The following FRMD1 variants were observed in gnomAD, a reference collection of about 807,000 sequenced individuals.
FRMD1 encodes the protein FERM domain containing 1.
A neutral mutation model predicts 54.9 loss-of-function variants in FRMD1; 51 were observed. The ratio of observed to expected loss-of-function variants is 0.93; its 90% CI spans 0.74 to 1.17. The LOEUF is 1.17. FRMD1 is among the 50% of genes most tolerant of loss of function. FRMD1 has a pLI of 0.00. For missense variants in FRMD1, 729 were observed against 743.0 expected, an observed-to-expected ratio of 0.98 and a Z score of 0.22; for synonymous variants, 324 against 306.4, an observed-to-expected ratio of 1.06 and a Z score of -0.60.
upstream of FRMD1, among the ~76,000 whole-genome samples, chr6:168,080,797 G>A (rs1330088107): frequency 3.9e-5 from 6 of 152,124 alleles, no homozygotes; most frequent in East Asian, 7.7e-4. Flanking sequence ...TTCCCCACGT[G>A]TGTGCAGGTG....
At chr6:168,061,363 A>T (rs1160378722) in intron 8 of FRMD1, among the ~76,000 whole-genome samples, 2 of 151,632 alleles carry the variant, frequency 1.3e-5, no homozygotes, top group Non-Finnish European at 2.9e-5. Flanking sequence ...TCTTGTGCTC[A>T]GGTGAGGATG....
In FRMD1 at chr6:168,057,102, C is replaced by T. The variant is rs1189120659; in HGVS notation, c.1645G>A (p.Val549Met). The T allele has an allele frequency of 2.0e-6, 3 of 1,478,790 alleles. No individual in the cohort carries two copies. Among genetic ancestry groups the T allele is most frequent in the South Asian group, 2.8e-5 (2 of 71,046 alleles). 91.6% of individuals were successfully genotyped at this position (1,478,790 alleles called of 1,614,324 possible). A position where few individuals can be genotyped will look rare whatever the true frequency, so the allele number is the denominator to read the frequency against. ...FGEAPPQEFV[V>M] ...TACTGCTGGGTGGGTGGTGCCTACA[C>T]CACAAACTCCTGTGGTGGAGCCTCT... The change falls in exon 11 of 11, where the codon GTG (valine) becomes ATG (methionine). Residue 549 changes from valine (V) to methionine (M), a missense_variant. Transcript: ENST00000283309.
At chr6:168,091,113 T>C (rs1713241082) in intron 1 of FRMD1, among the ~76,000 whole-genome samples, 1 of 152,190 alleles carries the variant, frequency 6.6e-6, no homozygotes, top group African/African-American at 2.4e-5. Context: ...TGCAAACTTT[T>C]CAGAGCTTAG....
Position 168,079,118 on chromosome 6 carries a change from C to A in FRMD1, c.-24G>T, listed in dbSNP as rs375053832. The A allele has an allele frequency of 1.3e-6, 2 of 1,568,884 alleles. No homozygotes were observed. The highest frequency in any genetic ancestry group is 1.7e-6 in the Non-Finnish European group (2 of 1,161,398). On this transcript the variant is annotated 5_prime_UTR_variant, in exon 1 of 11. Transcript: ENST00000283309. ...ATGCTGTCGTTACTCGGCCCTCCCC[C>A]GCCATGGGTCGCAGGTGGGTGCTCA...
rs573896544 is a variant in FRMD1 at position 168,075,106 on chromosome 6, G to T, written c.304+139C>A. ...TGAGTGGTGTGTAACTGTGCATTGT[G>T]CATGGTGTGTGCATGTGTACATATG... On this transcript the variant is annotated intron_variant, in intron 2 of 10. Coordinates refer to ENST00000283309, the MANE Select transcript of FRMD1 (RefSeq NM_024919.6). The T allele has an allele frequency of 9.8e-6, 7 of 710,892 alleles. No homozygotes were observed. The South Asian group carries it at 1.1e-4, about 11-fold the overall frequency. 44.0% of individuals were successfully genotyped at this position (710,892 alleles called of 1,614,324 possible). A position where few individuals can be genotyped will look rare whatever the true frequency, so the allele number is the denominator to read the frequency against.
At chr6:168,073,934 G>A (rs900648369) in intron 2 of FRMD1, among the ~76,000 whole-genome samples, 6 of 152,026 alleles carry the variant, frequency 3.9e-5, no homozygotes, top group Non-Finnish European at 7.4e-5. Context: ...CAGCAAGACA[G>A]GGGGATATTC....
At chr6:168,068,228 A>G (rs892853121) in intron 2 of FRMD1, among the ~76,000 whole-genome samples, 2 of 152,246 alleles carry the variant, frequency 1.3e-5, no homozygotes, top group African/African-American at 2.4e-5. Flanking sequence ...CCTGGAAACT[A>G]TAAGAGACGC....
intron 8 of FRMD1, among the ~76,000 whole-genome samples, 169 bp from the exon 9 acceptor site, chr6:168,061,226 C>T (rs1037073043): frequency 6.6e-6 from 1 of 151,736 alleles, no homozygotes; most frequent in Non-Finnish European, 1.5e-5. Context: ...GCCTTGTGCT[C>T]AGGTGAGGAC....
At chr6:168,081,996 AC>A (rs1266832182), upstream of FRMD1, 1 of 154,354 alleles carries the variant, frequency 6.5e-6, no homozygotes, top group African/African-American at 2.4e-5. Flanking sequence ...CAGGAAGTGC[AC>A]CTGTGCGCCA....
At position 168,062,973 on chromosome 6, in the gene FRMD1, G is replaced by T; in HGVS notation, c.805-14C>A. ...TTCCTTCTTATCCTAGAGGACACAG[G>T]TCAGAGGTCAAGTTGCAGGCCTGGA... On this transcript the variant is annotated splice_polypyrimidine_tract_variant and intron_variant, in intron 6 of 10. Transcript: ENST00000283309. 6.2e-7 allele frequency: 1 copy of T among 1,612,516 alleles called. No individual in the cohort carries two copies. Among genetic ancestry groups the T allele is most frequent in the Non-Finnish European group, 8.5e-7 (1 of 1,178,516 alleles).
At chr6:168,091,078 C>T (rs890295747) in intron 1 of FRMD1, among the ~76,000 whole-genome samples, 8 of 152,172 alleles carry the variant, frequency 5.3e-5, no homozygotes, top group African/African-American at 1.7e-4. Context: ...GAATGTGAAC[C>T]GCGAAAATGA....
rs768556194 is a variant in FRMD1, at chr6:168,066,743, G to A, written c.461+12C>T. Reference sequence around the variant, plus strand: ...TTCCAGGAAACACCCCTTACAGTCCGCATGCCGTTACCTTATGACCCTTCC... The same window carrying A: ...TTCCAGGAAACACCCCTTACAGTCCACATGCCGTTACCTTATGACCCTTCC... On this transcript the variant is annotated intron_variant, in intron 4 of 10. Transcript: ENST00000283309. 24 of 1,608,622 alleles carry A rather than the reference G, an allele frequency of 1.5e-5. No homozygotes were observed. The highest frequency in any genetic ancestry group is 2.7e-5 in the African/African-American group (2 of 74,610).
rs978742309 is a variant in FRMD1 at position 168,056,653 on chromosome 6, T to G, written c.*444A>C. On this transcript the variant is annotated 3_prime_UTR_variant, in exon 11 of 11. Transcript: ENST00000283309. ...CACAGTGATGACTGTGAACTCCGGC[T>G]TGGGAGCTCTGGCAGCCTGTGCCCA... 6.4e-6 allele frequency: 1 copy of G among 156,176 alleles called. No homozygotes were observed. Among genetic ancestry groups the G allele is most frequent in the African/African-American group, 2.4e-5 (1 of 41,558 alleles). 9.7% of individuals were successfully genotyped at this position (156,176 alleles called of 1,614,324 possible). A position where few individuals can be genotyped will look rare whatever the true frequency, so the allele number is the denominator to read the frequency against.
At position 168,059,064 on chromosome 6, in the gene FRMD1, C is replaced by T. The variant is rs1799572101; in HGVS notation, c.1407+60G>A. 3.6e-6 allele frequency: 5 copies of T among 1,373,948 alleles called. No homozygotes were observed. The highest frequency in any genetic ancestry group is 2.1e-4 in the Middle Eastern group (1 of 4,832). 85.1% of individuals were successfully genotyped at this position (1,373,948 alleles called of 1,614,324 possible). A position where few individuals can be genotyped will look rare whatever the true frequency, so the allele number is the denominator to read the frequency against. On this transcript the variant is annotated intron_variant, in intron 10 of 10. Transcript: ENST00000283309. The surrounding 1 kb of genome is among the most constrained non-coding windows in gnomAD (Gnocchi z 4.4). Reference sequence around the variant, plus strand: ...GGTCCCCAGGGCCCCTGACAGGGGACCTAGGAGAAGGGGGTGGAGGAGCAG... The same window carrying T: ...GGTCCCCAGGGCCCCTGACAGGGGATCTAGGAGAAGGGGGTGGAGGAGCAG...
chr6:168,066,937 AGTC>A, intron 3 of FRMD1, 106 bp from the exon 4 acceptor site: 1 of 1,414,992 alleles, frequency 7.1e-7, no homozygotes. Flanking sequence ...CTCAGCTTAA[AGTC>A]GAAGCTCAGG....
At position 168,060,785 on chromosome 6, in the gene FRMD1, G is replaced by C; in HGVS notation, c.1318C>G (p.Pro440Ala). 6.2e-7 allele frequency: 1 copy of C among 1,611,578 alleles called. No homozygotes were observed. Residue 440 changes from proline (P) to alanine (A), a missense_variant, in exon 9 of 11, where the codon CCC becomes GCC. Coordinates refer to ENST00000283309, the MANE Select transcript of FRMD1 (RefSeq NM_024919.6). Reference protein sequence around the residue: ...SSSPRTSRSHPSTRGDSQATR... With the variant: ...SSSPRTSRSHASTRGDSQATR... ...CCTTGGCTGTCACCACGTGTGCTGGGGTGGCTGCGGCTGGTCCTGGGGCTG... is the reference window on the plus strand; with the variant it reads ...CCTTGGCTGTCACCACGTGTGCTGGCGTGGCTGCGGCTGGTCCTGGGGCTG...
chr6:168,057,234 G>A lies in FRMD1; in HGVS notation c.1513C>T (p.His505Tyr). The A allele has an allele frequency of 6.2e-7, 1 of 1,610,368 alleles. No individual in the cohort carries two copies. The highest frequency in any genetic ancestry group is 8.5e-7 in the Non-Finnish European group (1 of 1,178,684). ...CAGTCCAGGGCGCGGTGGAAGGTAT[G>A]GCTGAGTGAGGTGGGCGCTGGGTGC... is the stretch of plus-strand genomic sequence containing the variant. ...ALHPAPTSLSHTFHRALDCRL... is the reference protein window; with the variant it reads ...ALHPAPTSLSYTFHRALDCRL... The change falls in exon 11 of 11, where the codon CAT becomes TAT. Residue 505 changes from histidine to tyrosine, a missense_variant. Physicochemically the swap from His to Tyr is moderately conservative, Grantham distance 83. Transcript: ENST00000283309.
chr6:168,060,552 T>G (rs912656046), intron 9 of FRMD1, among the ~76,000 whole-genome samples: 1 of 152,178 alleles, frequency 6.6e-6, no homozygotes, highest in East Asian at 1.9e-4. Flanking sequence ...CACAGCAGGC[T>G]GCAGGCAGCT....
chr6:168,067,082 C>G (rs941116873), intron 3 of FRMD1: 5 of 709,006 alleles, frequency 7.1e-6, no homozygotes, highest in Non-Finnish European at 1.0e-5. Context: ...CTTGCAGCCT[C>G]AGGGCTCACC....
Sources: allele counts gnomAD v4.1 joint callset (sites outside exome capture counted in the v4.1 genomes callset), GRCh38; gene constraint gnomAD v4.1.1; non-coding constraint Gnocchi (gnomAD v3.1); transcripts MANE v1.5; gene names NCBI Gene and HGNC (gene_info 2026-07-23, HGNC 2026-07-21).